The following NET1 variants were observed in gnomAD, a reference collection of about 807,000 sequenced individuals.
NET1 encodes the protein neuroepithelial cell-transforming gene 1 protein.
NET1 carries 42 observed loss-of-function variants against 61.1 expected under a neutral mutation model. The ratio of observed to expected loss-of-function variants is 0.69; its 90% confidence interval spans 0.54 to 0.89. The LOEUF (loss-of-function observed/expected upper bound fraction) is 0.89. Among genes scored for constraint, NET1 ranks in the 40% least tolerant of loss-of-function variants. NET1 has a pLI of 0.00. For missense variants in NET1, 654 were observed against 747.3 expected (o/e 0.88, Z 1.46); for synonymous variants, 254 against 281.8 (o/e 0.90, Z 0.99).
At position 5,452,369 on chromosome 10, in the gene NET1, T is replaced by C. The variant is rs759389013; in HGVS notation, c.375T>C (p.Leu125=). 5 of 1,608,744 alleles carry C rather than the reference T, an allele frequency of 3.1e-6. No homozygotes were observed. The East Asian group carries it at 1.1e-4, about 36-fold the overall frequency. ...RFGQTIQSFT[L]RGDHRSPASA... is the part of the protein sequence containing the mutation. The stretch of plus-strand genomic sequence containing the variant: ...TTTTCTTTTTTAAGTCATTTACCCT[T>C]CGTGGTGACCACAGATCCCCAGCCT... Residue 125 remains leucine, a synonymous_variant, in exon 5 of 12, where the codon CTT becomes CTC. Transcript: ENST00000355029. The surrounding 1 kb of genome is among the most constrained non-coding windows in gnomAD (Gnocchi z 4.0).
rs752749632 is a variant in NET1, at chr10:5,455,031, G to A, written c.1110G>A (p.Glu370=). The A allele has an allele frequency of 6.2e-6, 10 of 1,614,200 alleles. No individual in the cohort carries two copies. The East Asian group carries it at 2.2e-4, about 36-fold the overall frequency. The change falls in exon 10 of 12, where the codon GAG becomes GAA. Residue 370 remains glutamate (E), a synonymous_variant. Coordinates refer to ENST00000355029, the MANE Select transcript of NET1 (RefSeq NM_001047160.3). This position sits in a 1 kb window ranked among gnomAD's most constrained non-coding sequence, Gnocchi z 6.5. ...GCCAGTATTACATCGACAAGCTGGA[G>A]TACCTGGATGAAAAGCAGAGGGACC... ...SECQYYIDKL[E]YLDEKQRDPR...
intron 3 of NET1, among the ~76,000 whole-genome samples, chr10:5,438,397 AG>A (rs1198559227): frequency 6.6e-6 from 1 of 152,208 alleles, no homozygotes; most frequent in African/African-American, 2.4e-5. Context: ...GAGAAATGAA[AG>A]TGGGGCTATT....
Position 5,453,871 on chromosome 10 carries a change from G to GT in NET1, c.768+314dup, listed in dbSNP as rs915555677. Among the ~76,000 whole-genome samples the GT allele has an allele frequency of 1.4e-4, 22 of 152,154 alleles. No individual in the cohort carries two copies. The highest frequency in any genetic ancestry group is 1.4e-3 in the Admixed American group (22 of 15,284). ...AAGCGCATGCCAAATGCGGGGCACT[G>GT]TTTGAGGAGGAGTCGCTGGGAGTCA... On this transcript the variant is annotated intron_variant, in intron 8 of 11. Transcript: ENST00000355029. This position sits in a 1 kb window ranked among gnomAD's most constrained non-coding sequence, Gnocchi z 4.9.
chr10:5,419,676 A>G (rs1004118570), intron 1 of NET1, among the ~76,000 whole-genome samples: 2 of 107,998 alleles, frequency 1.9e-5, no homozygotes, highest in Middle Eastern at 4.2e-3. Flanking sequence ...TCCGCTACCA[A>G]CAAATTCTCT....
chr10:5,416,703 C>T lies in NET1; in HGVS notation c.128+3883C>T, dbSNP rs1271791762. ...GAAATGGGAAAAGTTCCCTTTTCCC[C>T]CTCGCAGGGCGTGCACTGGAGGTGT... On this transcript the variant is annotated intron_variant, in intron 1 of 11. Transcript: ENST00000355029. This position sits in a 1 kb window ranked among gnomAD's most constrained non-coding sequence, Gnocchi z 6.1. 6.6e-6 allele frequency among the ~76,000 whole-genome samples: 1 copy of T among 152,124 alleles called. No individual in the cohort carries two copies. The highest frequency in any genetic ancestry group is 1.5e-5 in the Non-Finnish European group (1 of 68,030).
rs1169167812 is a variant in NET1, at chr10:5,417,690, G to T, written c.128+4870G>T. The stretch of plus-strand genomic sequence containing the variant: ...TTTTTCTCTTTCCTAATTGCCCTGG[G>T]TAGGGCCTCCTGTACAACGCTGAAC... On this transcript the variant is annotated intron_variant, in intron 1 of 11. Transcript: ENST00000355029. This position sits in a 1 kb window ranked among gnomAD's most constrained non-coding sequence, Gnocchi z 5.5. Among the ~76,000 whole-genome samples the T allele has an allele frequency of 6.6e-6, 1 of 152,038 alleles. No homozygotes were observed. The highest frequency in any genetic ancestry group is 2.4e-5 in the African/African-American group (1 of 41,396).
chr10:5,440,666 A>G lies in NET1; in HGVS notation c.256-11164A>G, dbSNP rs764677856. Reference sequence around the variant, plus strand: ...GGACTCCCACTTAGCTATTCCCACCATGGTGCTGAGAACATTATGAAAGTT... The same window carrying G: ...GGACTCCCACTTAGCTATTCCCACCGTGGTGCTGAGAACATTATGAAAGTT... On this transcript the variant is annotated intron_variant, in intron 3 of 11. Transcript: ENST00000355029. The surrounding 1 kb of genome is among the most constrained non-coding windows in gnomAD (Gnocchi z 4.1). 6.6e-6 allele frequency among the ~76,000 whole-genome samples: 1 copy of G among 152,200 alleles called. No individual in the cohort carries two copies. The highest frequency in any genetic ancestry group is 1.5e-5 in the Non-Finnish European group (1 of 68,040).
chr10:5,412,783 C>A lies in NET1; in HGVS notation c.91C>A (p.Pro31Thr). ...SGLSTEGATG[P>T]SADTSGSELD... is the part of the protein sequence containing the mutation. ...GCTCAGCACGGAGGGAGCGACGGGG[C>A]CTTCGGCCGACACCTCCGGGTCGGA... Residue 31 changes from proline (P) to threonine (T), a missense_variant, in exon 1 of 12, where the codon CCT becomes ACT. Transcript: ENST00000355029. The surrounding 1 kb of genome is among the most constrained non-coding windows in gnomAD (Gnocchi z 6.5). 7.6e-6 allele frequency: 11 copies of A among 1,456,464 alleles called. No homozygotes were observed. Among genetic ancestry groups the A allele is most frequent in the Non-Finnish European group, 9.9e-6 (11 of 1,108,264 alleles). The allele number at this position is 1,456,464 out of a possible 1,614,324, so 90.2% of individuals were successfully genotyped here. A position where few individuals can be genotyped will look rare whatever the true frequency, so the allele number is the denominator to read the frequency against.
Position 5,441,517 on chromosome 10 carries a change from G to A in NET1, c.256-10313G>A, listed in dbSNP as rs1262824954. ...GTTACAGAAGACTAAGTGGTCTTAC[G>A]TTATACTGGAAGTTATTCGTTACCT... is the stretch of plus-strand genomic sequence containing the variant. On this transcript the variant is annotated intron_variant, in intron 3 of 11. Coordinates refer to ENST00000355029, the MANE Select transcript of NET1 (RefSeq NM_001047160.3). The surrounding 1 kb of genome is among the most constrained non-coding windows in gnomAD (Gnocchi z 4.6). Among the ~76,000 whole-genome samples the A allele has an allele frequency of 9.2e-5, 14 of 152,194 alleles. No individual in the cohort carries two copies. Among genetic ancestry groups the A allele is most frequent in the Non-Finnish European group, 1.5e-4 (10 of 68,036 alleles).
rs978561311 is a variant in NET1, at chr10:5,431,945, T to C, written c.255+2716T>C. On this transcript the variant is annotated intron_variant, in intron 3 of 11. Coordinates refer to ENST00000355029, the MANE Select transcript of NET1 (RefSeq NM_001047160.3). The surrounding 1 kb of genome is among the most constrained non-coding windows in gnomAD (Gnocchi z 4.9). ...TACTGATGCCTCACATATCTGTCTT[T>C]GGCTGTTGGATGCTGTTTCAGGATG... Among the ~76,000 whole-genome samples the C allele has an allele frequency of 5.9e-5, 9 of 152,198 alleles. 1 individual carries two copies. The highest frequency in any genetic ancestry group is 2.0e-4 in the Admixed American group (3 of 15,272).
rs551808809 is a variant in NET1 at position 5,430,406 on chromosome 10, G to T, written c.255+1177G>T. On this transcript the variant is annotated intron_variant, in intron 3 of 11. Coordinates refer to ENST00000355029, the MANE Select transcript of NET1 (RefSeq NM_001047160.3). The stretch of plus-strand genomic sequence containing the variant: ...TTTTTTTTTTTTGAGGCGGAGTCTC[G>T]CTCTGTCTCCCAGGCTGGAGTGCAG... Among the ~76,000 whole-genome samples, 4 of 143,664 alleles carry T rather than the reference G, an allele frequency of 2.8e-5. No individual in the cohort carries two copies. The East Asian group carries it at 6.0e-4, about 22-fold the overall frequency. The allele number at this position is 143,664 out of a possible 152,430, so 94.2% of individuals were successfully genotyped here. A position where few individuals can be genotyped will look rare whatever the true frequency, so the allele number is the denominator to read the frequency against.
In NET1 at chr10:5,454,309, G is replaced by A. The variant is rs748782628; in HGVS notation, c.813G>A (p.Leu271=). The A allele has an allele frequency of 3.1e-6, 5 of 1,614,118 alleles. No individual in the cohort carries two copies. Among genetic ancestry groups the A allele is most frequent in the South Asian group, 1.1e-5 (1 of 91,078 alleles). The change falls in exon 9 of 12, where the codon CTG becomes CTA. Residue 271 remains leucine, a synonymous_variant. Transcript: ENST00000355029. The surrounding 1 kb of genome is among the most constrained non-coding windows in gnomAD (Gnocchi z 8.1). ...ACAGAGGTTACTGTAGTAACCAGCTGGCAGCCAAAGCTCTTCTTGATCAAA... is the reference window on the plus strand; with the variant it reads ...ACAGAGGTTACTGTAGTAACCAGCTAGCAGCCAAAGCTCTTCTTGATCAAA... ...NAYRGYCSNQ[L]AAKALLDQKK...
chr10:5,426,573 A>G lies in NET1; in HGVS notation c.129-82A>G. 1 of 1,116,500 alleles carries G rather than the reference A, an allele frequency of 9.0e-7. No homozygotes were observed. The highest frequency in any genetic ancestry group is 1.3e-6 in the Non-Finnish European group (1 of 763,018). The allele number at this position is 1,116,500 out of a possible 1,614,324, so 69.2% of individuals were successfully genotyped here. ...ACTTTAAACGGTTTTGAAAGTATGA[A>G]AAGTATAGCTTTTTATCTGTTTGAT... On this transcript the variant is annotated intron_variant, in intron 1 of 11. Coordinates refer to ENST00000355029, the MANE Select transcript of NET1 (RefSeq NM_001047160.3). This position sits in a 1 kb window ranked among gnomAD's most constrained non-coding sequence, Gnocchi z 4.6.
chr10:5,452,387 C>G lies in NET1; in HGVS notation c.393C>G (p.Ser131=), dbSNP rs745579361. The G allele has an allele frequency of 9.9e-6, 16 of 1,613,122 alleles. No homozygotes were observed. In the East Asian group the frequency reaches 3.6e-4, roughly 36 times the overall value. The change falls in exon 5 of 12, where the codon TCC becomes TCG. Residue 131 remains serine, a synonymous_variant. Coordinates refer to ENST00000355029, the MANE Select transcript of NET1 (RefSeq NM_001047160.3). This position sits in a 1 kb window ranked among gnomAD's most constrained non-coding sequence, Gnocchi z 4.0. The part of the protein sequence containing the change: ...QSFTLRGDHR[S]PASAQKFSSR... ...TTACCCTTCGTGGTGACCACAGATC[C>G]CCAGCCTCTGCCCAGAAGTTTTCTA...
intron 1 of NET1, among the ~76,000 whole-genome samples, chr10:5,418,923 T>C (rs1032807607): frequency 5.3e-5 from 8 of 152,248 alleles, no homozygotes; most frequent in Non-Finnish European, 1.0e-4. Context: ...AGCCATTAGT[T>C]ATTTAGGAAT....
intron 1 of NET1, among the ~76,000 whole-genome samples, chr10:5,414,233 G>A (rs557951682): frequency 3.9e-5 from 6 of 152,236 alleles, no homozygotes; most frequent in Admixed American, 2.0e-4. Context: ...AGAGGTAAGC[G>A]CCACATCATG....
In NET1 at chr10:5,457,130, T is replaced by C. The variant is rs115591160; in HGVS notation, c.*136T>C. 912 of 834,802 alleles carry C rather than the reference T, an allele frequency of 1.1e-3. 6 individuals are homozygous for C. In the African/African-American group the frequency reaches 0.015, roughly 13 times the overall value. The allele number at this position is 834,802 out of a possible 1,614,324, so 51.7% of individuals were successfully genotyped here. On this transcript the variant is annotated 3_prime_UTR_variant, in exon 12 of 12. Coordinates refer to ENST00000355029, the MANE Select transcript of NET1 (RefSeq NM_001047160.3). The surrounding 1 kb of genome is among the most constrained non-coding windows in gnomAD (Gnocchi z 5.4). ...TTTTCATTGTTTTTGGTTGTTCTTTTTTCTTTTTTTAATGGCAGCTAAAGA... is the reference window on the plus strand; with the variant it reads ...TTTTCATTGTTTTTGGTTGTTCTTTCTTCTTTTTTTAATGGCAGCTAAAGA...
chr10:5,429,310 A>G (rs1010949355), intron 3 of NET1, 81 bp downstream of exon 3: 5 of 1,127,724 alleles, frequency 4.4e-6, no homozygotes, highest in Non-Finnish European at 6.4e-6. Flanking sequence ...AGAATAACAA[A>G]TGCTGGTTTG....
At position 5,429,242 on chromosome 10, in the gene NET1, G is replaced by T; in HGVS notation, c.255+13G>T. The stretch of plus-strand genomic sequence containing the variant: ...CCTTGATCTGAAGGTAAGCCCTGCT[G>T]CCCTGTTAAAGAAAAGCATTTAAAA... On this transcript the variant is annotated intron_variant, in intron 3 of 11. Coordinates refer to ENST00000355029, the MANE Select transcript of NET1 (RefSeq NM_001047160.3). 1 of 1,562,884 alleles carries T rather than the reference G, an allele frequency of 6.4e-7. No individual in the cohort carries two copies.
Sources: gnomAD v4.1 joint callset for allele counts (sites outside exome capture counted in the v4.1 genomes callset) on GRCh38, gnomAD v4.1.1 for gene constraint, Gnocchi (gnomAD v3.1) non-coding constraint, MANE v1.5 for transcripts, NCBI Gene and HGNC (gene_info 2026-07-23, HGNC 2026-07-21) for gene names.